OSBPL1A: variants seen among roughly 807,000 people sequenced by gnomAD.
OSBPL1A encodes the protein oxysterol-binding protein-related protein 1.
In OSBPL1A, 80 loss-of-function variants were observed where a neutral mutation model predicts 137.1. That is an observed-to-expected ratio of 0.58 (90% confidence interval 0.49 to 0.70). The LOEUF is 0.70. Ranked by LOEUF, OSBPL1A falls within the 30% of genes least tolerant of loss-of-function variation. OSBPL1A has a pLI of 0.00. For synonymous variants in OSBPL1A, 365 were observed against 389.7 expected (o/e 0.94, Z 0.75); for missense variants, 970 against 1,129.4 (o/e 0.86, Z 2.02).
rs535045897 is a variant in OSBPL1A, at chr18:24,167,878, C to T, written c.2419-433G>A. ...AATGTAAACTACATGAGGGCAGGGACACTGTGACTTTCTAATTCTTATATC... is the reference window on the plus strand; with the variant it reads ...AATGTAAACTACATGAGGGCAGGGATACTGTGACTTTCTAATTCTTATATC... On this transcript the variant is annotated intron_variant, in intron 24 of 27. Coordinates refer to ENST00000319481, the MANE Select transcript of OSBPL1A (RefSeq NM_080597.4). Among the ~76,000 whole-genome samples, 11 of 152,274 alleles carry T rather than the reference C, an allele frequency of 7.2e-5. No homozygotes were observed. The South Asian group carries it at 2.3e-3, about 32-fold the overall frequency.
chr18:24,355,069 A>T (rs2091509574), intron 4 of OSBPL1A, among the ~76,000 whole-genome samples: 1 of 152,174 alleles, frequency 6.6e-6, no homozygotes, highest in Admixed American at 6.6e-5. Flanking sequence ...CCAGACCCTG[A>T]AGGGGAATTG....
At chr18:24,285,132 A>G (rs1447208242) in intron 14 of OSBPL1A, among the ~76,000 whole-genome samples, 1 of 152,214 alleles carries the variant, frequency 6.6e-6, no homozygotes, top group East Asian at 1.9e-4. Flanking sequence ...AACAGCGGCC[A>G]CACCCACTTG....
chr18:24,321,845 T>C, intron 7 of OSBPL1A: 1 of 393,778 alleles, frequency 2.5e-6, no homozygotes, highest in Non-Finnish European at 5.0e-6. Flanking sequence ...TGGCCATTAT[T>C]GCTAAGTTCT....
At chr18:24,174,089 C>T (rs765530798) in intron 21 of OSBPL1A, among the ~76,000 whole-genome samples, 2 of 152,194 alleles carry the variant, frequency 1.3e-5, no homozygotes, top group East Asian at 1.9e-4. Context: ...AGTAGGATTC[C>T]GCTGTATGGA....
intron 4 of OSBPL1A, among the ~76,000 whole-genome samples, chr18:24,365,785 G>T (rs2091695220): frequency 6.6e-6 from 1 of 152,124 alleles, no homozygotes; most frequent in African/African-American, 2.4e-5. Flanking sequence ...TCACTAAAAT[G>T]CACACTTACA....
intron 2 of OSBPL1A, among the ~76,000 whole-genome samples, chr18:24,369,196 C>A (rs1905416346): frequency 6.6e-6 from 1 of 152,086 alleles, no homozygotes; most frequent in African/African-American, 2.4e-5. Context: ...CAGATAAAGT[C>A]TCAGTTAATG....
intron 4 of OSBPL1A, among the ~76,000 whole-genome samples, chr18:24,352,725 C>T (rs576609844): frequency 1.3e-4 from 20 of 152,234 alleles, no homozygotes; most frequent in African/African-American, 4.1e-4. Context: ...GAGATATAGA[C>T]CAATGGAACA....
chr18:24,380,998 T>C lies in OSBPL1A; in HGVS notation c.-2-3463A>G, dbSNP rs142036698. 3.3e-5 allele frequency among the ~76,000 whole-genome samples: 5 copies of C among 151,782 alleles called. No individual in the cohort carries two copies. In the East Asian group the frequency reaches 9.7e-4, roughly 29 times the overall value. On this transcript the variant is annotated intron_variant, in intron 1 of 27. Transcript: ENST00000319481. ...AGAAAAAAGAAAAAGTAAAAAGCTC[T>C]TATAAACTCTGCAGGAAGCCAAACC...
intron 15 of OSBPL1A, among the ~76,000 whole-genome samples, chr18:24,251,874 T>C (rs147658152): frequency 2.7e-3 from 405 of 151,748 alleles, no homozygotes; most frequent in Non-Finnish European, 4.2e-3. Flanking sequence ...AACCAAGAGA[T>C]TGAAATAATT....
chr18:24,175,104 GTATGTATATATATATATATA>G (rs1224429273), intron 21 of OSBPL1A, among the ~76,000 whole-genome samples: 1 of 42,720 alleles, frequency 2.3e-5, no homozygotes, highest in African/African-American at 7.6e-5. Context: ...TTTGCCATGT[GTATGTATATATATATATATA>G]TATATATATA....
intron 19 of OSBPL1A, 126 bp downstream of exon 19, chr18:24,181,019 G>T: frequency 8.6e-7 from 1 of 1,157,642 alleles, no homozygotes; most frequent in Non-Finnish European, 1.2e-6. Context: ...CATGCGGACT[G>T]AGCTTTGATA....
intron 17 of OSBPL1A, 91 bp from the exon 18 acceptor site, chr18:24,196,291 C>T (rs1024253708): frequency 1.2e-6 from 1 of 835,246 alleles, no homozygotes; most frequent in Non-Finnish European, 1.9e-6. Context: ...GAGCTGCAGG[C>T]ACAGAAAGAC....
chr18:24,335,582 G>A (rs553285102), intron 5 of OSBPL1A, among the ~76,000 whole-genome samples: 15 of 152,290 alleles, frequency 9.8e-5, no homozygotes, highest in South Asian at 2.1e-4. Context: ...TTCAGAGAAC[G>A]ACTTGGTGAT....
chr18:24,189,493 T>C (rs1051258376), intron 18 of OSBPL1A, among the ~76,000 whole-genome samples: 31 of 152,302 alleles, frequency 2.0e-4, no homozygotes, highest in African/African-American at 6.7e-4. Flanking sequence ...AGCTGTCCCC[T>C]GGACAGAGCC....
chr18:24,242,876 G>C (rs16940563), intron 15 of OSBPL1A, among the ~76,000 whole-genome samples: 7,691 of 152,182 alleles, frequency 0.051, 273 homozygotes, highest in African/African-American at 0.087. Context: ...AATCTAAATT[G>C]TATCTCCAGA....
At chr18:24,181,022 C>T (rs1003134435) in intron 19 of OSBPL1A, 123 bp downstream of exon 19, 16 of 1,201,070 alleles carry the variant, frequency 1.3e-5, no homozygotes, top group Non-Finnish European at 1.8e-5. Flanking sequence ...GCGGACTGAG[C>T]TTTGATAAAA....
chr18:24,167,679 T>C (rs1261151906), intron 24 of OSBPL1A, among the ~76,000 whole-genome samples: 2 of 152,152 alleles, frequency 1.3e-5, no homozygotes, highest in African/African-American at 2.4e-5. Context: ...GCTTTCCACA[T>C]GAAAAAAGAG....
intron 19 of OSBPL1A, among the ~76,000 whole-genome samples, chr18:24,180,420 ATATT>A (rs1319987812): frequency 6.6e-6 from 1 of 151,998 alleles, no homozygotes; most frequent in Non-Finnish European, 1.5e-5. Context: ...CAATGTATAT[ATATT>A]TATATACACA....
chr18:24,271,663 G>A lies in OSBPL1A; in HGVS notation c.1281+9179C>T, dbSNP rs879695177. ...GACCCCGGCTGGCGCGCTCCACCCT[G>A]CGCTCCTCGCAAGCTCCAGCGCGAA... On this transcript the variant is annotated intron_variant, in intron 15 of 27. Transcript: ENST00000319481. This position sits in a 1 kb window ranked among gnomAD's most constrained non-coding sequence, Gnocchi z 4.0. The A allele has an allele frequency of 1.0e-6, 1 of 985,744 alleles. No individual in the cohort carries two copies. Among genetic ancestry groups the A allele is most frequent in the African/African-American group, 1.7e-5 (1 of 57,252 alleles). 61.1% of individuals were successfully genotyped at this position (985,744 alleles called of 1,614,324 possible). A position where few individuals can be genotyped will look rare whatever the true frequency, so the allele number is the denominator to read the frequency against.
Sources: gnomAD v4.1 joint callset for allele counts (sites outside exome capture counted in the v4.1 genomes callset) on GRCh38, gnomAD v4.1.1 for gene constraint, Gnocchi (gnomAD v3.1) non-coding constraint, MANE v1.5 for transcripts, NCBI Gene and HGNC (gene_info 2026-07-23, HGNC 2026-07-21) for gene names.